DMD: variants seen among roughly 807,000 people sequenced by gnomAD.
DMD encodes the protein mutant dystrophin.
In DMD, 63 loss-of-function variants were observed where a neutral mutation model predicts 330.1. The ratio of observed to expected loss-of-function variants is 0.19; its 90% CI spans 0.16 to 0.24. DMD has a LOEUF of 0.24. Ranked by LOEUF, DMD falls within the 10% of genes least tolerant of loss-of-function variation. The pLI is 1.00. For synonymous variants in DMD, 1,223 were observed against 959.8 expected (o/e 1.27, Z -5.07); for missense variants, 3,344 against 2,684.1 (o/e 1.25, Z -5.43).
chrX:31,567,487 T>C (rs748793419), intron 55 of DMD, among the ~76,000 whole-genome samples: 2 of 111,588 alleles, frequency 1.8e-5, no homozygotes, highest in East Asian at 5.6e-4. Context: ...TTTTTTCTTC[T>C]TTAGTTTGTT....
chrX:31,488,774 C>T (rs1292468087), intron 57 of DMD, among the ~76,000 whole-genome samples: 3 of 111,875 alleles, frequency 2.7e-5, no homozygotes, highest in Non-Finnish European at 3.8e-5. Flanking sequence ...TCTTCAGTTT[C>T]GCTCTTTTTA....
At chrX:32,863,334 T>C (rs775666327) in intron 2 of DMD, among the ~76,000 whole-genome samples, 1 of 108,359 alleles carries the variant, frequency 9.2e-6, no homozygotes, top group Non-Finnish European at 1.9e-5. Context: ...CTGGCCAACG[T>C]GGCGAAACTC....
intron 7 of DMD, among the ~76,000 whole-genome samples, chrX:32,735,991 G>C (rs1418066060): frequency 4.5e-5 from 5 of 111,407 alleles, no homozygotes; most frequent in African/African-American, 1.6e-4. Flanking sequence ...CCTACAAAAT[G>C]GGAGAAAATT....
intron 53 of DMD, among the ~76,000 whole-genome samples, chrX:31,672,320 T>C (rs2081852236): frequency 8.9e-6 from 1 of 112,353 alleles, no homozygotes; most frequent in Admixed American, 9.4e-5. Context: ...ACCTAGCATA[T>C]GGCCTACCCT....
intron 62 of DMD, among the ~76,000 whole-genome samples, chrX:31,278,160 G>C (rs992629259): frequency 9.0e-6 from 1 of 111,256 alleles, no homozygotes; most frequent in African/African-American, 3.3e-5. Context: ...TGTGTACCAG[G>C]ATGACATATA....
At chrX:32,274,971 T>A (rs1320070779) in intron 43 of DMD, among the ~76,000 whole-genome samples, 1 of 111,809 alleles carries the variant, frequency 8.9e-6, no homozygotes, top group Non-Finnish European at 1.9e-5. Context: ...AATAGTCAAA[T>A]CACACAATTC....
At chrX:32,879,167 G>A (rs1005716487) in intron 2 of DMD, among the ~76,000 whole-genome samples, 2 of 111,237 alleles carry the variant, frequency 1.8e-5, no homozygotes, top group Non-Finnish European at 3.8e-5. Flanking sequence ...CTCACAGCCA[G>A]AAGGAAAACT....
chrX:32,963,927 A>G (rs1239262030), intron 2 of DMD, among the ~76,000 whole-genome samples: 1 of 111,692 alleles, frequency 9.0e-6, no homozygotes, highest in Non-Finnish European at 1.9e-5. Flanking sequence ...CAGTGATGCC[A>G]AAACAAACAA....
At chrX:31,956,436 A>T (rs2095246932) in intron 45 of DMD, among the ~76,000 whole-genome samples, 1 of 111,940 alleles carries the variant, frequency 8.9e-6, no homozygotes, top group Non-Finnish European at 1.9e-5. Flanking sequence ...GGTTCAGAAC[A>T]TGTCCTAGAG....
intron 13 of DMD, among the ~76,000 whole-genome samples, chrX:32,587,382 T>A (rs938934102): frequency 1.8e-5 from 2 of 112,447 alleles, no homozygotes; most frequent in Non-Finnish European, 3.8e-5. Flanking sequence ...ATGTCTGTCA[T>A]TCTTATTGTC....
intron 9 of DMD, among the ~76,000 whole-genome samples, chrX:32,648,832 T>C (rs1876337074): frequency 9.0e-6 from 1 of 111,630 alleles, no homozygotes; most frequent in African/African-American, 3.3e-5. Flanking sequence ...GAATTTTACA[T>C]TGTACCTAAG....
chrX:32,913,983 C>A (rs2087544966), intron 2 of DMD, among the ~76,000 whole-genome samples: 1 of 111,630 alleles, frequency 9.0e-6, no homozygotes, highest in South Asian at 3.7e-4. Context: ...CTTACTTCCC[C>A]TGCCTCCCAC....
chrX:32,241,179 C>T (rs1351404974), intron 43 of DMD, among the ~76,000 whole-genome samples: 1 of 112,007 alleles, frequency 8.9e-6, no homozygotes, highest in East Asian at 2.8e-4. Context: ...TATTGGAGGT[C>T]CATGTTCACG....
chrX:32,968,871 T>C (rs1362140588), intron 2 of DMD, among the ~76,000 whole-genome samples: 1 of 105,963 alleles, frequency 9.4e-6, no homozygotes, highest in Non-Finnish European at 1.9e-5. Context: ...CTACTAAAAA[T>C]ACAAAAAATT....
intron 7 of DMD, among the ~76,000 whole-genome samples, chrX:32,774,116 G>C (rs1020051069): frequency 1.2e-4 from 14 of 112,084 alleles, no homozygotes; most frequent in Non-Finnish European, 1.7e-4. Flanking sequence ...AGGGATGTCT[G>C]AAATTCCTTA....
intron 18 of DMD, among the ~76,000 whole-genome samples, chrX:32,507,841 G>A (rs1208234647): frequency 7.2e-5 from 8 of 111,195 alleles, no homozygotes; most frequent in Non-Finnish European, 1.1e-4. Flanking sequence ...AGAGAAAACT[G>A]AGCATCAGTA....
intron 2 of DMD, among the ~76,000 whole-genome samples, chrX:32,945,096 T>A (rs1010541058): frequency 9.0e-5 from 10 of 111,061 alleles, no homozygotes; most frequent in African/African-American, 3.3e-4. Context: ...TTAGCTTAAT[T>A]TGTAGTAAAT....
chrX:31,238,108 A>C (rs980832569), intron 63 of DMD, among the ~76,000 whole-genome samples: 7 of 111,793 alleles, frequency 6.3e-5, no homozygotes, highest in Non-Finnish European at 1.1e-4. Context: ...GATTCAATCC[A>C]AGAATCGGGC....
At chrX:31,151,651 A>T (rs2037432199) in intron 74 of DMD, among the ~76,000 whole-genome samples, 1 of 112,624 alleles carries the variant, frequency 8.9e-6, no homozygotes, top group South Asian at 3.6e-4. Context: ...GCTCATTTTA[A>T]TCAGCCAAAG....
Sources: gnomAD v4.1 joint callset for allele counts (sites outside exome capture counted in the v4.1 genomes callset) on GRCh38, gnomAD v4.1.1 for gene constraint, MANE v1.5 for transcripts, NCBI Gene and HGNC (gene_info 2026-07-23, HGNC 2026-07-21) for gene names.